The following WDR90 variants were observed in gnomAD, a reference collection of about 807,000 sequenced individuals.
WDR90 encodes WD repeat-containing protein 90.
WDR90 carries 238 observed loss-of-function variants against 195.2 expected under a neutral mutation model. The ratio of observed to expected loss-of-function variants is 1.22; its 90% CI spans 1.10 to 1.36. The LOEUF (loss-of-function observed/expected upper bound fraction) is 1.36. Among genes scored for constraint, WDR90 ranks in the 40% most tolerant of loss-of-function variants. The probability of loss-of-function intolerance (pLI) is 0.00; values close to 1 mark genes in which losing one functional copy is unlikely to be tolerated. For missense variants in WDR90, 2,734 were observed against 2,439.5 expected, an observed-to-expected ratio of 1.12 and a Z score of -2.54; for synonymous variants, 1,265 against 1,052.4, an observed-to-expected ratio of 1.20 and a Z score of -3.91.
At position 653,331 on chromosome 16, in the gene WDR90, C is replaced by T; in HGVS notation, c.1123-10C>T. 2.6e-6 allele frequency: 4 copies of T among 1,524,348 alleles called. No individual in the cohort carries two copies. Among genetic ancestry groups the T allele is most frequent in the Non-Finnish European group, 3.5e-6 (4 of 1,137,000 alleles). 94.4% of individuals were successfully genotyped at this position (1,524,348 alleles called of 1,614,324 possible). A position where few individuals can be genotyped will look rare whatever the true frequency, so the allele number is the denominator to read the frequency against. On this transcript the variant is annotated splice_polypyrimidine_tract_variant and intron_variant, in intron 10 of 40. Transcript: ENST00000293879. ...GCACCGGTCCTCAGCCCCCCGCCCC[C>T]TTGTGCCAGGCCCTGTGGACCCCAG...
intron 7 of WDR90, 108 bp downstream of exon 7, chr16:651,374 C>G: frequency 2.3e-6 from 3 of 1,330,476 alleles, no homozygotes; most frequent in Non-Finnish European, 3.2e-6. Flanking sequence ...CTGGCTGCAG[C>G]TGGTGCAGGG....
rs775637185 is a variant in WDR90, at chr16:650,092, G to A, written c.204G>A (p.Thr68=). ...GCAGCACCCAGTCTCTGGGGCTGACGGGACGATACCTGTATGTGCTCTTTC... is the reference window on the plus strand; with the variant it reads ...GCAGCACCCAGTCTCTGGGGCTGACAGGACGATACCTGTATGTGCTCTTTC... ...PKSSTQSLGL[T]GRYLYVLFRP... Residue 68 remains threonine, a synonymous_variant, in exon 3 of 41, where the codon ACG becomes ACA. Transcript: ENST00000293879. 5.6e-6 allele frequency: 9 copies of A among 1,612,966 alleles called. No homozygotes were observed. Among genetic ancestry groups the A allele is most frequent in the African/African-American group, 1.3e-5 (1 of 74,948 alleles).
In WDR90 at chr16:661,335, C is replaced by T. The variant is rs985064667; in HGVS notation, c.3514-7C>T. On this transcript the variant is annotated splice_region_variant and splice_polypyrimidine_tract_variant and intron_variant, in intron 29 of 40. Transcript: ENST00000293879. ...TCCCCACTCACGCCTGGCCTCTTGC[C>T]TGCCAGGTCCTGGCCTCTGCCTCGG... 6.3e-7 allele frequency: 1 copy of T among 1,589,684 alleles called. No individual in the cohort carries two copies. The highest frequency in any genetic ancestry group is 1.1e-5 in the South Asian group (1 of 89,678).
At position 657,579 on chromosome 16, in the gene WDR90, C is replaced by G. The variant is rs2037787608; in HGVS notation, c.2474-183C>G. 2.6e-5 allele frequency among the ~76,000 whole-genome samples: 4 copies of G among 152,222 alleles called. No homozygotes were observed. The South Asian group carries it at 8.3e-4, about 31-fold the overall frequency. ...ACTACTGCTGGCCCACGGGGACTCC[C>G]AGCTCCCCTGGCAGCGCCTGGCGCC... On this transcript the variant is annotated intron_variant, in intron 20 of 40. Transcript: ENST00000293879.
At chr16:659,988 G>A (rs956317689) in intron 26 of WDR90, 70 bp from the exon 27 acceptor site, 90 of 1,171,074 alleles carry the variant, frequency 7.7e-5, no homozygotes, top group Non-Finnish European at 9.8e-5. Flanking sequence ...TGGGGAGACT[G>A]CGTGTAGTGT....
At chr16:654,343 C>G (rs1158196896) in intron 13 of WDR90, 1 of 154,110 alleles carries the variant, frequency 6.5e-6, no homozygotes, top group African/African-American at 2.4e-5. Flanking sequence ...TCCCAGATAG[C>G]TGGGCCACAG....
chr16:651,525 G>C, intron 7 of WDR90, 119 bp from the exon 8 acceptor site: 1 of 1,089,066 alleles, frequency 9.2e-7, no homozygotes, highest in Non-Finnish European at 1.3e-6. Context: ...GATACTGGCT[G>C]TGGGTCCTGC....
chr16:657,153 C>G lies in WDR90; in HGVS notation c.2405C>G (p.Ser802Cys), dbSNP rs144102013. The change falls in exon 20 of 41, where the codon TCC becomes TGC. Residue 802 changes from serine (S) to cysteine (C), a missense_variant. Ser to Cys is a moderately radical substitution (Grantham distance 112, BLOSUM62 -1). Transcript: ENST00000293879. ...ATPDGRLLFS[S>C]CSQGSLAQYS... ...CCTGACGGCCGCCTGCTCTTCAGCT[C>G]CTGCTCCCAGGGCTCCCTGGCCCAG... 3,870 of 1,567,786 alleles carry G rather than the reference C, an allele frequency of 2.5e-3. 45 individuals carry two copies. In the African/African-American group the frequency reaches 0.036, roughly 15 times the overall value.
intron 1 of WDR90, 62 bp downstream of exon 1, chr16:649,488 C>T: frequency 9.4e-6 from 12 of 1,281,750 alleles, no homozygotes; most frequent in Non-Finnish European, 1.2e-5. Context: ...GGTCCAGGGT[C>T]GGCGGCCGGA....
intron 16 of WDR90, 30 bp downstream of exon 16, chr16:655,733 TGGC>T: frequency 6.3e-7 from 1 of 1,582,522 alleles, no homozygotes; most frequent in East Asian, 2.3e-5. Flanking sequence ...GTGGCCAGGG[TGGC>T]AGGGACACCG....
Position 649,949 on chromosome 16 carries a change from T to A in WDR90, c.103-42T>A, listed in dbSNP as rs377261841. The A allele has an allele frequency of 1.9e-6, 3 of 1,608,736 alleles. No homozygotes were observed. The South Asian group carries it at 3.3e-5, about 18-fold the overall frequency. Reference sequence around the variant, plus strand: ...AGGGCCCCCTCGCCCCCGCTGCACTTCTTCTGGGTGCTGTCGGTGATGCGG... The same window carrying A: ...AGGGCCCCCTCGCCCCCGCTGCACTACTTCTGGGTGCTGTCGGTGATGCGG... On this transcript the variant is annotated intron_variant, in intron 2 of 40. Transcript: ENST00000293879.
chr16:658,048 C>A, intron 21 of WDR90, 135 bp from the exon 22 acceptor site: 1 of 1,454,088 alleles, frequency 6.9e-7, no homozygotes, highest in East Asian at 2.5e-5. Context: ...CCACGTGCGG[C>A]CAGGTTCCTG....
intron 13 of WDR90, 169 bp downstream of exon 13, chr16:653,972 C>G: frequency 1.2e-6 from 1 of 832,980 alleles, no homozygotes; most frequent in Non-Finnish European, 1.8e-6. Context: ...GCCCCCGTGC[C>G]CTGCACAAAA....
At position 656,754 on chromosome 16, in the gene WDR90, A is replaced by G. The variant is rs1167995037; in HGVS notation, c.2225A>G (p.Glu742Gly). The stretch of plus-strand genomic sequence containing the variant: ...CAGCTATACGACTTCACATCATCAG[A>G]GGACGCCCCGTGCGCTGTCACCTTC... ...LQQLYDFTSS[E>G]DAPCAVTFHP... Residue 742 changes from glutamate (E) to glycine (G), a missense_variant, in exon 19 of 41, where the codon GAG becomes GGG. Glu to Gly is a moderately conservative substitution (Grantham distance 98). Transcript: ENST00000293879. The G allele has an allele frequency of 3.7e-6, 6 of 1,613,110 alleles. No homozygotes were observed. The highest frequency in any genetic ancestry group is 3.3e-5 in the South Asian group (3 of 91,082).
In WDR90 at chr16:666,262, T is replaced by C; in HGVS notation, c.4652T>C (p.Val1551Ala). The stretch of plus-strand genomic sequence containing the variant: ...GGAGACAAGGATGGGCTCGTGGCTG[T>C]GAGCCACCCCTGCACAGGGACAACC... ...LSGDKDGLVAVSHPCTGTTFR... is the reference protein window; with the variant it reads ...LSGDKDGLVAASHPCTGTTFR... Residue 1551 changes from valine (V) to alanine (A), a missense_variant, in exon 37 of 41, where the codon GTG (valine) becomes GCG (alanine). Transcript: ENST00000293879. 1 of 1,612,704 alleles carries C rather than the reference T, an allele frequency of 6.2e-7. No homozygotes were observed.
intron 28 of WDR90, 48 bp from the exon 29 acceptor site, chr16:661,003 C>CG: frequency 1.1e-5 from 1 of 94,710 alleles, no homozygotes; most frequent in Non-Finnish European, 1.6e-5. Context: ...CCTCCCCGCC[C>CG]CCCCCCCCCC....
chr16:651,124 C>G (rs375807529), intron 6 of WDR90, 21 bp downstream of exon 6: 2 of 1,593,326 alleles, frequency 1.3e-6, no homozygotes, highest in South Asian at 1.1e-5. Context: ...CTGCTTCTTT[C>G]GAGGGAGGCC....
intron 5 of WDR90, 30 bp from the exon 6 acceptor site, chr16:650,965 C>G (rs960118817): frequency 6.2e-7 from 1 of 1,609,960 alleles, no homozygotes; most frequent in South Asian, 1.1e-5. Context: ...AACAGCCTCC[C>G]TTGACCTGGA....
chr16:650,821 T>C, intron 5 of WDR90, 112 bp downstream of exon 5: 1 of 1,508,794 alleles, frequency 6.6e-7, no homozygotes, highest in Non-Finnish European at 9.0e-7. Flanking sequence ...GTGCTGTCTC[T>C]GAGCTCTGGC....
Sources: allele counts gnomAD v4.1 joint callset (sites outside exome capture counted in the v4.1 genomes callset), GRCh38; gene constraint gnomAD v4.1.1; transcripts MANE v1.5; gene names NCBI Gene and HGNC (gene_info 2026-07-23, HGNC 2026-07-21).